Variants in WDR33 observed in about 807,000 individuals in gnomAD.
The protein encoded by WDR33 is pre-mRNA 3' end processing protein WDR33.
Under a neutral mutation model 164.9 loss-of-function variants are expected in WDR33, and 47 were observed. The ratio of observed to expected loss-of-function variants is 0.29; its 90% CI spans 0.23 to 0.36. The LOEUF (loss-of-function observed/expected upper bound fraction) is 0.36, where lower values mean the gene tolerates loss of function less well. Ranked by LOEUF, WDR33 falls within the 10% of genes least tolerant of loss-of-function variation. The pLI, the probability that WDR33 is intolerant of heterozygous loss-of-function variation, is 1.00. For missense variants in WDR33, 1,137 were observed against 1,754.1 expected, an observed-to-expected ratio of 0.65 and a Z score of 6.28; for synonymous variants, 505 against 589.0, an observed-to-expected ratio of 0.86 and a Z score of 2.06.
Position 127,724,550 on chromosome 2 carries a change from C to G in WDR33, c.1086-107G>C, listed in dbSNP as rs1224485478. On this transcript the variant is annotated intron_variant, in intron 10 of 21. Coordinates refer to ENST00000322313, the MANE Select transcript of WDR33 (RefSeq NM_018383.5). This position sits in a 1 kb window ranked among gnomAD's most constrained non-coding sequence, Gnocchi z 4.8. Reference sequence around the variant, plus strand: ...TACTCTTAAAATGAAGCTACCAAAGCCTGGACTTGGACTCTGGTGAATTCC... The same window carrying G: ...TACTCTTAAAATGAAGCTACCAAAGGCTGGACTTGGACTCTGGTGAATTCC... The G allele has an allele frequency of 6.1e-6, 6 of 976,296 alleles. No individual in the cohort carries two copies. The Admixed American group carries it at 8.6e-5, about 14-fold the overall frequency. 60.5% of individuals were successfully genotyped at this position (976,296 alleles called of 1,614,324 possible). A position where few individuals can be genotyped will look rare whatever the true frequency, so the allele number is the denominator to read the frequency against.
rs747529544 is a variant in WDR33 at position 127,709,714 on chromosome 2, G to A, written c.3451C>T (p.Arg1151Ter). 2.5e-6 allele frequency: 4 copies of A among 1,614,158 alleles called. No homozygotes were observed. Among genetic ancestry groups the A allele is most frequent in the South Asian group, 1.1e-5 (1 of 91,078 alleles). The change falls in exon 19 of 22, where the codon CGA (arginine) becomes TGA (stop). Residue 1151 changes from arginine (R) to a stop codon, truncating the protein, a stop_gained. Transcript: ENST00000322313. LOFTEE classifies it high-confidence loss of function. This position sits in a 1 kb window ranked among gnomAD's most constrained non-coding sequence, Gnocchi z 5.0. ...TCACCTCGTGGGGTACCCCGACCTC[G>A]ACCTCTGAGATCTCGTCCTCGGGCC... ...EAARGRDLRG[R>*]GRGTPRGGRK...
Position 127,701,641 on chromosome 2 carries a change from G to A in WDR33, c.*4682C>T. 1 of 1,295,912 alleles carries A rather than the reference G, an allele frequency of 7.7e-7. No homozygotes were observed. Among genetic ancestry groups the A allele is most frequent in the Non-Finnish European group, 9.8e-7 (1 of 1,023,936 alleles). 80.3% of individuals were successfully genotyped at this position (1,295,912 alleles called of 1,614,324 possible). A position where few individuals can be genotyped will look rare whatever the true frequency, so the allele number is the denominator to read the frequency against. On this transcript the variant is annotated 3_prime_UTR_variant, in exon 22 of 22. Coordinates refer to ENST00000322313, the MANE Select transcript of WDR33 (RefSeq NM_018383.5). ...GAGAAGGCGGAGGAGCCCGGGGACC[G>A]GCCGGCGGAGGAGTGGCTGGGCCGC...
In WDR33 at chr2:127,719,135, T is replaced by G. The variant is rs149571718; in HGVS notation, c.2760+130A>C. On this transcript the variant is annotated intron_variant, in intron 16 of 21. Transcript: ENST00000322313. The surrounding 1 kb of genome is among the most constrained non-coding windows in gnomAD (Gnocchi z 6.5). ...TCATTCTTCAGCCAGGATGCTAGTA[T>G]CTTAAGCTACTGTCACTACTTGATA... is the stretch of plus-strand genomic sequence containing the variant. 1.7e-5 allele frequency: 20 copies of G among 1,174,028 alleles called. No homozygotes were observed. In the Admixed American group the frequency reaches 5.6e-4, roughly 33 times the overall value. The allele number at this position is 1,174,028 out of a possible 1,614,324, so 72.7% of individuals were successfully genotyped here.
At position 127,773,646 on chromosome 2, in the gene WDR33, G is replaced by T. The variant is rs182587276; in HGVS notation, c.-23-2642C>A. Among the ~76,000 whole-genome samples, 474 of 152,108 alleles carry T rather than the reference G, an allele frequency of 3.1e-3. 2 individuals are homozygous for T. Among genetic ancestry groups the T allele is most frequent in the Non-Finnish European group, 5.6e-3 (380 of 68,020 alleles). ...ACTAAGCAGTTGATTCAATAAGGCT[G>T]GTGGAAGACTGTTTACTCAGTTATT... On this transcript the variant is annotated intron_variant, in intron 1 of 21. Coordinates refer to ENST00000322313, the MANE Select transcript of WDR33 (RefSeq NM_018383.5).
chr2:127,732,350 G>C (rs1686733321), intron 7 of WDR33, among the ~76,000 whole-genome samples: 1 of 151,746 alleles, frequency 6.6e-6, no homozygotes, highest in Non-Finnish European at 1.5e-5. Context: ...CCAGGCTAGA[G>C]TGGAGTGGGA....
chr2:127,715,961 G>A (rs770465825), intron 17 of WDR33, among the ~76,000 whole-genome samples: 1 of 152,172 alleles, frequency 6.6e-6, no homozygotes, highest in South Asian at 2.1e-4. Flanking sequence ...AAAGAGAAAA[G>A]GGAAAGAGCA....
intron 7 of WDR33, among the ~76,000 whole-genome samples, chr2:127,746,444 C>T (rs906155163): frequency 6.6e-6 from 1 of 152,050 alleles, no homozygotes; most frequent in African/African-American, 2.4e-5. Context: ...TTCTTTACTC[C>T]TATCTTGTCT....
intron 8 of WDR33, among the ~76,000 whole-genome samples, chr2:127,725,508 G>C (rs1325521779): frequency 6.6e-6 from 1 of 152,136 alleles, no homozygotes; most frequent in Admixed American, 6.5e-5. Flanking sequence ...AAGCCTAGGC[G>C]AGTGGATCAC....
Position 127,763,171 on chromosome 2 carries a change from A to G in WDR33, c.627-12T>C. 1.9e-6 allele frequency: 3 copies of G among 1,613,972 alleles called. No homozygotes were observed. Among genetic ancestry groups the G allele is most frequent in the Non-Finnish European group, 2.5e-6 (3 of 1,179,858 alleles). On this transcript the variant is annotated splice_polypyrimidine_tract_variant and intron_variant, in intron 6 of 21. Transcript: ENST00000322313. The surrounding 1 kb of genome is among the most constrained non-coding windows in gnomAD (Gnocchi z 4.5). ...CCGTGGGTGAGAAACTGTTACATGA[A>G]GACACACAGCAGGGGAAAGAAGTCA...
intron 1 of WDR33, among the ~76,000 whole-genome samples, chr2:127,793,187 T>C (rs1573471292): frequency 6.6e-6 from 1 of 152,088 alleles, no homozygotes; most frequent in African/African-American, 2.4e-5. Context: ...TCCTAGCACT[T>C]TGGGAGGCCG....
At chr2:127,753,841 C>T (rs576118067) in intron 7 of WDR33, among the ~76,000 whole-genome samples, 1 of 151,854 alleles carries the variant, frequency 6.6e-6, no homozygotes, top group African/African-American at 2.4e-5. Context: ...ATAAAAACCA[C>T]AAAAATCACA....
At chr2:127,759,009 C>T (rs7562644) in intron 7 of WDR33, among the ~76,000 whole-genome samples, 5 of 151,888 alleles carry the variant, frequency 3.3e-5, no homozygotes, top group African/African-American at 4.8e-5. Context: ...GCATATTTCT[C>T]GTGTGTACAA....
At chr2:127,746,539 A>C (rs1018709197) in intron 7 of WDR33, among the ~76,000 whole-genome samples, 1 of 152,226 alleles carries the variant, frequency 6.6e-6, no homozygotes, top group African/African-American at 2.4e-5. Flanking sequence ...TGTGGTCCTC[A>C]CAACAGCCCT....
chr2:127,701,853 G>T lies in WDR33; in HGVS notation c.*4470C>A. The T allele has an allele frequency of 1.4e-6, 2 of 1,461,306 alleles. No homozygotes were observed. The highest frequency in any genetic ancestry group is 1.8e-6 in the Non-Finnish European group (2 of 1,111,714). 90.5% of individuals were successfully genotyped at this position (1,461,306 alleles called of 1,614,324 possible). ...GTTGCTGCTGCGCGCGCGCAAGTTCGCGCTGCTCTGGTCACTGGGCTCGGC... is the reference window on the plus strand; with the variant it reads ...GTTGCTGCTGCGCGCGCGCAAGTTCTCGCTGCTCTGGTCACTGGGCTCGGC... On this transcript the variant is annotated 3_prime_UTR_variant, in exon 22 of 22. Transcript: ENST00000322313.
At chr2:127,750,014 T>C (rs551424212) in intron 7 of WDR33, among the ~76,000 whole-genome samples, 2 of 152,100 alleles carry the variant, frequency 1.3e-5, no homozygotes, top group Admixed American at 6.5e-5. Flanking sequence ...TTTCTCATTG[T>C]AGGAGAACAG....
chr2:127,702,343 A>G lies in WDR33; in HGVS notation c.*3980T>C. 1 of 631,008 alleles carries G rather than the reference A, an allele frequency of 1.6e-6. No homozygotes were observed. The highest frequency in any genetic ancestry group is 2.2e-6 in the Non-Finnish European group (1 of 449,064). The allele number at this position is 631,008 out of a possible 1,614,324, so 39.1% of individuals were successfully genotyped here. A position where few individuals can be genotyped will look rare whatever the true frequency, so the allele number is the denominator to read the frequency against. On this transcript the variant is annotated 3_prime_UTR_variant, in exon 22 of 22. Coordinates refer to ENST00000322313, the MANE Select transcript of WDR33 (RefSeq NM_018383.5). ...AGCGGCTGCTGCCAGCGGAGGCGACAGCAGCGTTGGGAGCTCCTCGATGTC... is the reference window on the plus strand; with the variant it reads ...AGCGGCTGCTGCCAGCGGAGGCGACGGCAGCGTTGGGAGCTCCTCGATGTC...
At chr2:127,762,369 A>T (rs918471881) in intron 7 of WDR33, 7 of 351,176 alleles carry the variant, frequency 2.0e-5, no homozygotes, top group African/African-American at 1.6e-4. Context: ...CCTTAACTCT[A>T]CCACCACTGA....
rs541891715 is a variant in WDR33 at position 127,781,697 on chromosome 2, A to T, written c.-23-10693T>A. ...AACATGAGCAATTCACTAGCTGGTTAAAAAAAAAATCCATGCTGAGGCCGG... is the reference window on the plus strand; with the variant it reads ...AACATGAGCAATTCACTAGCTGGTTTAAAAAAAAATCCATGCTGAGGCCGG... On this transcript the variant is annotated intron_variant, in intron 1 of 21. Transcript: ENST00000322313. Among the ~76,000 whole-genome samples, 115 of 150,406 alleles carry T rather than the reference A, an allele frequency of 7.6e-4. 1 individual carries two copies. The highest frequency in any genetic ancestry group is 2.6e-3 in the African/African-American group (108 of 41,086).
In WDR33 at chr2:127,803,122, T is replaced by C. The variant is rs528304326; in HGVS notation, c.-24+7890A>G. On this transcript the variant is annotated intron_variant, in intron 1 of 21. Transcript: ENST00000322313. ...TGAAAAATGTTATTTCAAGTAACTT[T>C]TGAAGAAAGTTCATCTTTAATGCAG... is the stretch of plus-strand genomic sequence containing the variant. 3.9e-5 allele frequency among the ~76,000 whole-genome samples: 6 copies of C among 152,286 alleles called. No homozygotes were observed. The South Asian group carries it at 1.0e-3, about 26-fold the overall frequency.
Sources: allele counts gnomAD v4.1 joint callset (sites outside exome capture counted in the v4.1 genomes callset), GRCh38; gene constraint gnomAD v4.1.1; non-coding constraint Gnocchi (gnomAD v3.1); transcripts MANE v1.5; gene names NCBI Gene and HGNC (gene_info 2026-07-23, HGNC 2026-07-21).